Variants in TECPR1 observed in about 807,000 individuals in gnomAD.
The protein encoded by TECPR1 is tectonin beta-propeller repeat containing 1, also known as tectonin beta-propeller repeat-containing protein 1.
In TECPR1, 122 loss-of-function variants were observed where a neutral mutation model predicts 162.4. The ratio of observed to expected loss-of-function variants is 0.75; its 90% CI spans 0.65 to 0.87. The LOEUF (loss-of-function observed/expected upper bound fraction) is 0.87, where lower values mean the gene tolerates loss of function less well. Ranked by LOEUF, TECPR1 falls within the 40% of genes least tolerant of loss-of-function variation. TECPR1 has a pLI of 0.00. For missense variants in TECPR1, 1,432 were observed against 1,618.2 expected, an observed-to-expected ratio of 0.88 and a Z score of 1.97; for synonymous variants, 642 against 670.6, an observed-to-expected ratio of 0.96 and a Z score of 0.66.
chr7:98,218,675 C>G (rs1214710706), intron 23 of TECPR1, among the ~76,000 whole-genome samples: 2 of 152,130 alleles, frequency 1.3e-5, no homozygotes, highest in African/African-American at 4.8e-5. Flanking sequence ...TGAAAGATCT[C>G]TATAAGGAGA....
At chr7:98,249,162 C>A (rs965766741) in intron 2 of TECPR1, among the ~76,000 whole-genome samples, 23 of 152,068 alleles carry the variant, frequency 1.5e-4, no homozygotes, top group African/African-American at 5.6e-4. Flanking sequence ...CAGGCAGGAG[C>A]CCCTGGCCCT....
chr7:98,226,276 G>A (rs531109436), intron 17 of TECPR1, among the ~76,000 whole-genome samples: 3 of 152,340 alleles, frequency 2.0e-5, no homozygotes, highest in South Asian at 4.1e-4. Flanking sequence ...TGTGCCAACC[G>A]CCTTAGAAAA....
At chr7:98,227,627 T>C (rs1798312065) in intron 17 of TECPR1, among the ~76,000 whole-genome samples, 1 of 151,606 alleles carries the variant, frequency 6.6e-6, no homozygotes, top group Admixed American at 6.6e-5. Flanking sequence ...TCAAGACCAG[T>C]CTGGCCAACA....
chr7:98,243,445 C>A, intron 6 of TECPR1, 22 bp downstream of exon 6: 1 of 1,611,016 alleles, frequency 6.2e-7, no homozygotes, highest in Non-Finnish European at 8.5e-7. Context: ...GGAGCCAGGG[C>A]AGGGAGAGGG....
chr7:98,223,961 G>A (rs1798209958), intron 19 of TECPR1, among the ~76,000 whole-genome samples: 1 of 152,086 alleles, frequency 6.6e-6, no homozygotes, highest in Admixed American at 6.5e-5. Flanking sequence ...CTGGGGGTTG[G>A]GGCCTCCCAG....
rs1177686639 is a variant in TECPR1 at position 98,231,306 on chromosome 7, A to T, written c.2042T>A (p.Phe681Tyr). ...VPVLNETKHS[F>Y]ALYTPERTRQ... Reference sequence around the variant, plus strand: ...TGTCCGCTCAGGGGTGTACAGGGCAAAGGAGTGCTTGGTCTCGTTCAGCAC... The same window carrying T: ...TGTCCGCTCAGGGGTGTACAGGGCATAGGAGTGCTTGGTCTCGTTCAGCAC... Residue 681 changes from phenylalanine to tyrosine, a missense_variant, in exon 14 of 26, where the codon TTT becomes TAT. Phe to Tyr is a conservative substitution (Grantham distance 22). Transcript: ENST00000447648. 1 of 1,612,584 alleles carries T rather than the reference A, an allele frequency of 6.2e-7. No homozygotes were observed. Among genetic ancestry groups the T allele is most frequent in the South Asian group, 1.1e-5 (1 of 90,840 alleles).
At chr7:98,226,715 C>CGGG (rs1562935239) in intron 17 of TECPR1, 6 of 1,184,474 alleles carry the variant, frequency 5.1e-6, no homozygotes, top group Non-Finnish European at 6.6e-6. Context: ...AGGCGGGCTT[C>CGGG]GGGAGTTCAG....
chr7:98,247,898 AT>A (rs890275412), intron 2 of TECPR1, among the ~76,000 whole-genome samples: 1 of 151,180 alleles, frequency 6.6e-6, no homozygotes, highest in African/African-American at 2.4e-5. Flanking sequence ...AATTTTTAAA[AT>A]TTTTTTTGTA....
intron 23 of TECPR1, among the ~76,000 whole-genome samples, chr7:98,219,686 G>T (rs986301905): frequency 6.6e-6 from 1 of 152,146 alleles, no homozygotes; most frequent in African/African-American, 2.4e-5. Context: ...CGGATCACCT[G>T]AGGTTGAGAG....
chr7:98,239,885 C>A (rs941343453), intron 8 of TECPR1, among the ~76,000 whole-genome samples: 1 of 151,876 alleles, frequency 6.6e-6, no homozygotes, highest in Non-Finnish European at 1.5e-5. Flanking sequence ...CTGAGGCGGG[C>A]GGATCATGAG....
intron 13 of TECPR1, 121 bp downstream of exon 13, chr7:98,231,683 C>T (rs554424497): frequency 1.5e-6 from 2 of 1,298,678 alleles, no homozygotes; most frequent in South Asian, 2.8e-5. Flanking sequence ...TTCTGTGTCC[C>T]TCCCTGGGCA....
rs149852597 is a variant in TECPR1 at position 98,237,012 on chromosome 7, T to G, written c.1036-91A>C. On this transcript the variant is annotated intron_variant, in intron 9 of 25. Transcript: ENST00000447648. ...GGGGTGCAAAATGCAGGCAGGGTCC[T>G]CCATGTGCAGGTGTGTGTGGGCTGG... The G allele has an allele frequency of 1.5e-4, 205 of 1,376,924 alleles. No individual in the cohort carries two copies. The African/African-American group carries it at 2.7e-3, about 18-fold the overall frequency. The allele number at this position is 1,376,924 out of a possible 1,614,324, so 85.3% of individuals were successfully genotyped here. A position where few individuals can be genotyped will look rare whatever the true frequency, so the allele number is the denominator to read the frequency against.
chr7:98,235,002 C>T (rs1273817627), intron 10 of TECPR1, among the ~76,000 whole-genome samples: 6 of 152,156 alleles, frequency 3.9e-5, no homozygotes, highest in Non-Finnish European at 8.8e-5. Flanking sequence ...GTGTGAGCTA[C>T]CGCACCCAGC....
rs377594220 is a variant in TECPR1 at position 98,236,868 on chromosome 7, G to T, written c.1089C>A (p.Thr363=). The T allele has an allele frequency of 1.0e-5, 16 of 1,581,514 alleles. No individual in the cohort carries two copies. The African/African-American group carries it at 2.0e-4, about 20-fold the overall frequency. The change falls in exon 10 of 26, where the codon ACC becomes ACA. Residue 363 remains threonine (T), a synonymous_variant. Transcript: ENST00000447648. ...AGGTCTTCCCACTGAGCTCGCTGGG[G>T]GTGACACCCTGCCGGAAGTACACGG... The part of the protein sequence containing the change: ...DRAVYFRQGV[T]PSELSGKTWK...
chr7:98,239,952 T>C (rs1256604820), intron 8 of TECPR1, among the ~76,000 whole-genome samples: 2 of 151,612 alleles, frequency 1.3e-5, no homozygotes, highest in Non-Finnish European at 2.9e-5. Flanking sequence ...CTACTAAAAA[T>C]ACAAAAAATT....
Position 98,222,362 on chromosome 7 carries a change from G to C in TECPR1, c.3064+24C>G, listed in dbSNP as rs761567744. On this transcript the variant is annotated intron_variant, in intron 22 of 25. Coordinates refer to ENST00000447648, the MANE Select transcript of TECPR1 (RefSeq NM_015395.3). The stretch of plus-strand genomic sequence containing the variant: ...CTTGGACGGAAGGTGAACACTGCAG[G>C]GGCTCCTGGGGCGCGGCACTCACCG... 17 of 1,602,966 alleles carry C rather than the reference G, an allele frequency of 1.1e-5. No individual in the cohort carries two copies. In the East Asian group the frequency reaches 2.7e-4, roughly 25 times the overall value.
Position 98,232,953 on chromosome 7 carries a change from G to C in TECPR1, c.1692C>G (p.His564Gln), listed in dbSNP as rs202191868. The change falls in exon 12 of 26, where the codon CAC becomes CAG. Residue 564 changes from histidine to glutamine, a missense_variant. His to Gln is a conservative substitution (Grantham distance 24). Transcript: ENST00000447648. The surrounding 1 kb of genome is among the most constrained non-coding windows in gnomAD (Gnocchi z 4.6). ...CCGGCGTGATGGACAGGGACAGCAT[G>C]TGTACCGAGGAGGACAGGCCTGTGG... ...TVQAGLSSSV[H>Q]MLSLSITPAQ... The C allele has an allele frequency of 1.6e-4, 253 of 1,612,106 alleles. 1 individual carries two copies. The African/African-American group carries it at 2.9e-3, about 18-fold the overall frequency.
chr7:98,232,546 T>C lies in TECPR1; in HGVS notation c.1818+281A>G, dbSNP rs866813287. 2.6e-5 allele frequency among the ~76,000 whole-genome samples: 4 copies of C among 151,868 alleles called. No individual in the cohort carries two copies. Among genetic ancestry groups the C allele is most frequent in the South Asian group, 4.2e-4 (2 of 4,812 alleles). ...CAGGAAGAGGATGACGTGGTTCCCC[T>C]CCCTGGCCACCCTCCCTTCCCCACC... On this transcript the variant is annotated intron_variant, in intron 12 of 25. Transcript: ENST00000447648. This position sits in a 1 kb window ranked among gnomAD's most constrained non-coding sequence, Gnocchi z 4.6.
intron 10 of TECPR1, among the ~76,000 whole-genome samples, chr7:98,234,906 G>A (rs768148424): frequency 3.3e-5 from 5 of 151,824 alleles, no homozygotes; most frequent in African/African-American, 4.8e-5. Flanking sequence ...TAGAGATGGG[G>A]TCTCACTATG....
Sources: allele counts gnomAD v4.1 joint callset (sites outside exome capture counted in the v4.1 genomes callset), GRCh38; gene constraint gnomAD v4.1.1; non-coding constraint Gnocchi (gnomAD v3.1); transcripts MANE v1.5; gene names NCBI Gene and HGNC (gene_info 2026-07-23, HGNC 2026-07-21).